SLC4A7: variants seen among roughly 807,000 people sequenced by gnomAD.
SLC4A7 encodes sodium bicarbonate cotransporter 3.
SLC4A7 carries 51 observed loss-of-function variants against 137.6 expected under a neutral mutation model. The ratio of observed to expected loss-of-function variants is 0.37; its 90% CI spans 0.30 to 0.47. The LOEUF (loss-of-function observed/expected upper bound fraction) is 0.47. Among genes scored for constraint, SLC4A7 ranks in the 20% least tolerant of loss-of-function variants. The probability of loss-of-function intolerance (pLI) is 1.00; values close to 1 mark genes in which losing one functional copy is unlikely to be tolerated. For missense variants in SLC4A7, 1,247 were observed against 1,525.4 expected, an observed-to-expected ratio of 0.82 and a Z score of 3.04; for synonymous variants, 542 against 518.6, an observed-to-expected ratio of 1.05 and a Z score of -0.61.
intron 16 of SLC4A7, among the ~76,000 whole-genome samples, chr3:27,398,911 T>C (rs1466338607): frequency 6.6e-6 from 1 of 151,598 alleles, no homozygotes; most frequent in Non-Finnish European, 1.5e-5. Context: ...AGCAGTAAAA[T>C]GACCGTTAAA....
intron 1 of SLC4A7, among the ~76,000 whole-genome samples, chr3:27,472,064 C>T (rs1300797929): frequency 6.6e-6 from 1 of 152,168 alleles, no homozygotes; most frequent in Non-Finnish European, 1.5e-5. Flanking sequence ...TACCAAATTA[C>T]AATCTTAAAC....
At chr3:27,407,997 C>A (rs1233079329) in intron 13 of SLC4A7, among the ~76,000 whole-genome samples, 1 of 152,140 alleles carries the variant, frequency 6.6e-6, no homozygotes, top group Non-Finnish European at 1.5e-5. Context: ...AATACATATC[C>A]TTTTCACTTT....
Position 27,484,193 on chromosome 3 carries a change from TGCCCCTGCCGCC to T in SLC4A7, c.-79_-68del, listed in dbSNP as rs1232725204. The T allele has an allele frequency of 5.1e-6, 6 of 1,187,804 alleles. No homozygotes were observed. The African/African-American group carries it at 9.6e-5, about 19-fold the overall frequency. The allele number at this position is 1,187,804 out of a possible 1,614,324, so 73.6% of individuals were successfully genotyped here. A position where few individuals can be genotyped will look rare whatever the true frequency, so the allele number is the denominator to read the frequency against. Reference sequence around the variant, plus strand: ...CGCGCGGTCTGCCTGCTTCTGCCGCTGCCCCTGCCGCCGCCGCCGAGCCCCCGGCGCGCGAGG... The same window carrying T: ...CGCGCGGTCTGCCTGCTTCTGCCGCTGCCGCCGAGCCCCCGGCGCGCGAGG... On this transcript the variant is annotated 5_prime_UTR_variant, in exon 1 of 26. Transcript: ENST00000454389.
intron 25 of SLC4A7, among the ~76,000 whole-genome samples, chr3:27,377,067 T>G (rs1037422482): frequency 6.6e-6 from 1 of 152,046 alleles, no homozygotes; most frequent in African/African-American, 2.4e-5. Context: ...TCTTTGCAAT[T>G]TAAATTCATG....
At chr3:27,420,357 G>A (rs1442469748) in intron 10 of SLC4A7, among the ~76,000 whole-genome samples, 3 of 151,520 alleles carry the variant, frequency 2.0e-5, no homozygotes, top group African/African-American at 7.3e-5. Context: ...CCATATCAGA[G>A]AAATTTACAG....
chr3:27,461,796 C>T (rs78559629), intron 1 of SLC4A7, among the ~76,000 whole-genome samples: 2 of 148,350 alleles, frequency 1.3e-5, no homozygotes, highest in East Asian at 3.9e-4. Flanking sequence ...CCCATCTCCA[C>T]CAAAAAAAAA....
chr3:27,439,120 G>A (rs1031751909), intron 3 of SLC4A7, among the ~76,000 whole-genome samples: 4 of 152,166 alleles, frequency 2.6e-5, no homozygotes, highest in Admixed American at 1.3e-4. Context: ...AATCCTCCAA[G>A]TACTTGTGGA....
chr3:27,432,650 T>C (rs982418805), intron 6 of SLC4A7, among the ~76,000 whole-genome samples: 1 of 152,172 alleles, frequency 6.6e-6, no homozygotes, highest in Admixed American at 6.5e-5. Context: ...GGAAACACCA[T>C]TTAAACAATA....
intron 1 of SLC4A7, among the ~76,000 whole-genome samples, chr3:27,463,471 T>C (rs2058806531): frequency 6.6e-6 from 1 of 151,432 alleles, no homozygotes; most frequent in South Asian, 2.1e-4. Context: ...CCGAGCGTGG[T>C]GGCGGTTGCA....
In SLC4A7 at chr3:27,453,753, C is replaced by G. The variant is rs1019349096; in HGVS notation, c.61-1255G>C. ...AAATTCCTTGCTATCCAAACTACCA[C>G]TATTTGTTATCCAAAACTCAGAACA... On this transcript the variant is annotated intron_variant, in intron 1 of 25. Transcript: ENST00000454389. Among the ~76,000 whole-genome samples, 5 of 152,328 alleles carry G rather than the reference C, an allele frequency of 3.3e-5. No individual in the cohort carries two copies. In the South Asian group the frequency reaches 1.0e-3, roughly 32 times the overall value.
intron 23 of SLC4A7, among the ~76,000 whole-genome samples, chr3:27,384,765 C>T (rs191778927): frequency 2.0e-5 from 3 of 152,140 alleles, no homozygotes; most frequent in East Asian, 3.9e-4. Context: ...GAGTTGAAGA[C>T]CAGCCTGGCC....
chr3:27,475,061 G>C (rs544949920), intron 1 of SLC4A7, among the ~76,000 whole-genome samples: 3 of 152,108 alleles, frequency 2.0e-5, no homozygotes, highest in Admixed American at 2.0e-4. Flanking sequence ...AGTGAGCCGA[G>C]ATTGCACCAC....
intron 3 of SLC4A7, among the ~76,000 whole-genome samples, chr3:27,443,004 C>T (rs1449710708): frequency 1.3e-5 from 2 of 148,276 alleles, no homozygotes; most frequent in Non-Finnish European, 3.0e-5. Flanking sequence ...TTAGCCACCG[C>T]GCTGGGCATT....
chr3:27,421,539 CA>C lies in SLC4A7; in HGVS notation c.1424+82del, dbSNP rs1446739261. The C allele has an allele frequency of 1.7e-5, 18 of 1,033,804 alleles. No individual in the cohort carries two copies. In the Admixed American group the frequency reaches 4.0e-4, roughly 23 times the overall value. The allele number at this position is 1,033,804 out of a possible 1,614,324, so 64.0% of individuals were successfully genotyped here. A position where few individuals can be genotyped will look rare whatever the true frequency, so the allele number is the denominator to read the frequency against. ...TAAAATAAGCTTTTATTACATAAATCAACATGCTTGTTCATTCGCTGGATTA... is the reference window on the plus strand; with the variant it reads ...TAAAATAAGCTTTTATTACATAAATCACATGCTTGTTCATTCGCTGGATTA... On this transcript the variant is annotated intron_variant, in intron 9 of 25. Transcript: ENST00000454389.
chr3:27,418,371 T>G (rs1276377941), intron 11 of SLC4A7, 115 bp downstream of exon 11: 1 of 751,960 alleles, frequency 1.3e-6, no homozygotes, highest in East Asian at 2.9e-5. Context: ...GGTAAGAAGG[T>G]AAACAGGACG....
chr3:27,409,758 AT>A (rs1353951661), intron 12 of SLC4A7, among the ~76,000 whole-genome samples: 3 of 152,230 alleles, frequency 2.0e-5, no homozygotes, highest in African/African-American at 7.2e-5. Context: ...TACGGACTAT[AT>A]AATGAAAAGA....
intron 10 of SLC4A7, among the ~76,000 whole-genome samples, chr3:27,419,437 G>A (rs1322114791): frequency 6.6e-6 from 1 of 151,622 alleles, no homozygotes; most frequent in African/African-American, 2.4e-5. Flanking sequence ...GTGTGGTGGC[G>A]TATGCCTGTA....
In SLC4A7 at chr3:27,465,267, G is replaced by GCAA. The variant is rs1426912506; in HGVS notation, c.61-12772_61-12770dup. On this transcript the variant is annotated intron_variant, in intron 1 of 25. Transcript: ENST00000454389. Reference sequence around the variant, plus strand: ...TGGCACCACTGCACTCCAAGCCTGGGCAACAGAGCAAGACTCCGTCTCAAA... The same window carrying GCAA: ...TGGCACCACTGCACTCCAAGCCTGGGCAACAACAGAGCAAGACTCCGTCTCAAA... 4.3e-5 allele frequency among the ~76,000 whole-genome samples: 6 copies of GCAA among 139,710 alleles called. No homozygotes were observed. The East Asian group carries it at 6.2e-4, about 15-fold the overall frequency. The allele number at this position is 139,710 out of a possible 152,430, so 91.7% of individuals were successfully genotyped here. A position where few individuals can be genotyped will look rare whatever the true frequency, so the allele number is the denominator to read the frequency against.
chr3:27,437,781 A>T (rs1306282495), intron 3 of SLC4A7, among the ~76,000 whole-genome samples: 1 of 152,244 alleles, frequency 6.6e-6, no homozygotes, highest in Non-Finnish European at 1.5e-5. Context: ...AAGTCAAACT[A>T]ACTTTATAAC....
Sources: allele counts gnomAD v4.1 joint callset (sites outside exome capture counted in the v4.1 genomes callset), GRCh38; gene constraint gnomAD v4.1.1; transcripts MANE v1.5; gene names NCBI Gene and HGNC (gene_info 2026-07-23, HGNC 2026-07-21).